The following HDAC4 variants were observed in gnomAD, a reference collection of about 807,000 sequenced individuals.
HDAC4 encodes the protein histone deacetylase A.
HDAC4 carries 16 observed loss-of-function variants against 135.1 expected under a neutral mutation model. The observed-to-expected ratio is 0.12, with a 90% CI of 0.08 to 0.18. The LOEUF is 0.18. HDAC4 is among the 10% of genes least tolerant of loss of function. The pLI, the probability that HDAC4 is intolerant of heterozygous loss-of-function variation, is 1.00. For synonymous variants in HDAC4, 685 were observed against 653.4 expected, an observed-to-expected ratio of 1.05 and a Z score of -0.74; for missense variants, 1,143 against 1,511.8, an observed-to-expected ratio of 0.76 and a Z score of 4.05.
chr2:239,322,222 C>T (rs1483474443), intron 2 of HDAC4, among the ~76,000 whole-genome samples: 4 of 152,232 alleles, frequency 2.6e-5, no homozygotes, highest in Admixed American at 2.0e-4. Flanking sequence ...TGCAACCAAT[C>T]GGATGCTGAA....
At chr2:239,260,970 G>T (rs12615371) in intron 2 of HDAC4, among the ~76,000 whole-genome samples, 4 of 151,956 alleles carry the variant, frequency 2.6e-5, no homozygotes, top group African/African-American at 7.3e-5. Context: ...GGGTGGAGAC[G>T]GAAGCCAGCC....
At chr2:239,222,155 G>A (rs563655331) in intron 3 of HDAC4, among the ~76,000 whole-genome samples, 6 of 152,226 alleles carry the variant, frequency 3.9e-5, no homozygotes, top group South Asian at 4.1e-4. Context: ...TGGCTTTTAC[G>A]GCAGCCCGTG....
At chr2:239,293,946 T>C (rs2051690812) in intron 2 of HDAC4, among the ~76,000 whole-genome samples, 1 of 152,226 alleles carries the variant, frequency 6.6e-6, no homozygotes, top group South Asian at 2.1e-4. Context: ...ACTCTAAAAG[T>C]AACAGGAGGA....
At chr2:239,293,416 T>A (rs74003913) in intron 2 of HDAC4, among the ~76,000 whole-genome samples, 6,179 of 152,186 alleles carry the variant, frequency 0.041, 136 homozygotes, top group Middle Eastern at 0.058. Flanking sequence ...AAAACCCTAT[T>A]TGAGAAGGGC....
intron 3 of HDAC4, among the ~76,000 whole-genome samples, chr2:239,231,662 C>T (rs2047569971): frequency 1.5e-5 from 1 of 68,622 alleles, no homozygotes; most frequent in African/African-American, 4.5e-5. Context: ...TCTCCTCAAC[C>T]GAGGCTGCTG....
intron 1 of HDAC4, among the ~76,000 whole-genome samples, chr2:239,354,311 A>G (rs1232902219): frequency 6.6e-6 from 1 of 152,148 alleles, no homozygotes; most frequent in Non-Finnish European, 1.5e-5. Flanking sequence ...GCTTCGGATG[A>G]GCCTGCTGCT....
At chr2:239,064,911 A>G (rs1423378133) in intron 24 of HDAC4, among the ~76,000 whole-genome samples, 1 of 152,228 alleles carries the variant, frequency 6.6e-6, no homozygotes, top group African/African-American at 2.4e-5. Flanking sequence ...AGTGGGCCAG[A>G]GAGTGGACCC....
chr2:239,396,563 A>C (rs548662721), intron 1 of HDAC4, among the ~76,000 whole-genome samples: 2 of 152,310 alleles, frequency 1.3e-5, no homozygotes, highest in Admixed American at 1.3e-4. Context: ...CAATGTTCAT[A>C]CGTTCTGCTC....
chr2:239,372,832 A>G (rs1694729361), intron 1 of HDAC4, among the ~76,000 whole-genome samples: 1 of 152,202 alleles, frequency 6.6e-6, no homozygotes, highest in Admixed American at 6.5e-5. Context: ...CTCACAATGC[A>G]CACATGTGCA....
At chr2:239,380,484 C>A (rs60953425) in intron 1 of HDAC4, among the ~76,000 whole-genome samples, 58,672 of 151,810 alleles carry the variant, frequency 0.39, 13,336 homozygotes, top group East Asian at 0.8. Context: ...CATTTGAGTT[C>A]ACCACGGGCC....
rs997853718 is a variant in HDAC4 at position 239,141,935 on chromosome 2, G to A, written c.866-2139C>T. On this transcript the variant is annotated intron_variant, in intron 8 of 26. Transcript: ENST00000543185. This position sits in a 1 kb window ranked among gnomAD's most constrained non-coding sequence, Gnocchi z 4.9. The stretch of plus-strand genomic sequence containing the variant: ...ATAGTATTACTTAGATCAGCAAAAC[G>A]GGAACACCATTGGAGGTGCTCAAAA... Among the ~76,000 whole-genome samples the A allele has an allele frequency of 4.6e-5, 7 of 152,194 alleles. No homozygotes were observed. The highest frequency in any genetic ancestry group is 1.9e-4 in the East Asian group (1 of 5,184).
intron 1 of HDAC4, among the ~76,000 whole-genome samples, chr2:239,354,040 T>C (rs149493876): frequency 1.3e-5 from 2 of 152,152 alleles, no homozygotes; most frequent in Non-Finnish European, 2.9e-5. Context: ...GCATCACAGG[T>C]TAAGTATTTA....
intron 1 of HDAC4, among the ~76,000 whole-genome samples, chr2:239,370,331 G>A (rs887731890): frequency 1.3e-5 from 2 of 152,176 alleles, no homozygotes; most frequent in Non-Finnish European, 2.9e-5. Context: ...GACATGGCTC[G>A]GGGCTCTCCT....
chr2:239,066,993 A>C (rs1217912577), intron 23 of HDAC4, 138 bp from the exon 24 acceptor site: 16 of 1,022,772 alleles, frequency 1.6e-5, no homozygotes, highest in Admixed American at 2.2e-5. Context: ...GTTTCGTTTA[A>C]TAAATTCGCT....
chr2:239,324,511 C>G (rs57107711), intron 2 of HDAC4, among the ~76,000 whole-genome samples: 1 of 152,244 alleles, frequency 6.6e-6, no homozygotes, highest in African/African-American at 2.4e-5. Context: ...AAAGTGCCTG[C>G]GTGGCATGCT....
At chr2:239,398,724 A>G (rs902373601) in intron 1 of HDAC4, among the ~76,000 whole-genome samples, 3 of 152,094 alleles carry the variant, frequency 2.0e-5, no homozygotes, top group Non-Finnish European at 2.9e-5. Flanking sequence ...AACACAGAAC[A>G]TTCTCTCTGG....
At chr2:239,329,856 GC>G (rs1390384477) in intron 2 of HDAC4, among the ~76,000 whole-genome samples, 4 of 151,992 alleles carry the variant, frequency 2.6e-5, no homozygotes, top group Non-Finnish European at 5.9e-5. Context: ...TCTCTTAGGA[GC>G]CCCATGTCTC....
intron 3 of HDAC4, among the ~76,000 whole-genome samples, chr2:239,206,565 A>C (rs1424770635): frequency 2.0e-5 from 3 of 152,146 alleles, no homozygotes; most frequent in East Asian, 3.9e-4. Flanking sequence ...ATTTTAAATG[A>C]CATGACAGGG....
intron 2 of HDAC4, among the ~76,000 whole-genome samples, chr2:239,251,019 T>A (rs184518831): frequency 1.3e-5 from 2 of 152,266 alleles, no homozygotes; most frequent in Admixed American, 1.3e-4. Flanking sequence ...GGAAAGAGAC[T>A]CGTCAGCTGG....
Sources: allele counts gnomAD v4.1 joint callset (sites outside exome capture counted in the v4.1 genomes callset), GRCh38; gene constraint gnomAD v4.1.1; non-coding constraint Gnocchi (gnomAD v3.1); transcripts MANE v1.5; gene names NCBI Gene and HGNC (gene_info 2026-07-23, HGNC 2026-07-21).